RBM17: variants seen among roughly 807,000 people sequenced by gnomAD.
The protein encoded by RBM17 is splicing factor 45.
A neutral mutation model predicts 53.2 loss-of-function variants in RBM17; 7 were observed. That is an observed-to-expected ratio of 0.13 (90% CI 0.07 to 0.25). RBM17 has a LOEUF of 0.25. Ranked by LOEUF, RBM17 falls within the 10% of genes least tolerant of loss-of-function variation. RBM17 has a pLI of 1.00. For synonymous variants in RBM17, 167 were observed against 178.1 expected (o/e 0.94, Z 0.50); for missense variants, 257 against 496.7 (o/e 0.52, Z 4.59).
At chr10:6,103,775 C>T (rs1840704364) in intron 3 of RBM17, among the ~76,000 whole-genome samples, 1 of 152,172 alleles carries the variant, frequency 6.6e-6, no homozygotes, top group African/African-American at 2.4e-5. Context: ...CCATGAAACA[C>T]AGGAACTGTT....
rs192314186 is a variant in RBM17 at position 6,107,752 on chromosome 10, G to A, written c.506-934G>A. On this transcript the variant is annotated intron_variant, in intron 5 of 11. Transcript: ENST00000379888. Reference sequence around the variant, plus strand: ...CTGCCTCAGCCTCTCAAAGTGCTGGGATTACAGGAGTGAACCACTGCGTCC... The same window carrying A: ...CTGCCTCAGCCTCTCAAAGTGCTGGAATTACAGGAGTGAACCACTGCGTCC... Among the ~76,000 whole-genome samples the A allele has an allele frequency of 1.8e-3, 270 of 152,198 alleles. 1 individual carries two copies. Among genetic ancestry groups the A allele is most frequent in the Middle Eastern group, 3.4e-3 (1 of 294 alleles).
Position 6,115,646 on chromosome 10 carries a change from C to G in RBM17, c.*90C>G. 1 of 775,300 alleles carries G rather than the reference C, an allele frequency of 1.3e-6. No individual in the cohort carries two copies. The highest frequency in any genetic ancestry group is 1.5e-5 in the South Asian group (1 of 66,392). The allele number at this position is 775,300 out of a possible 1,614,324, so 48.0% of individuals were successfully genotyped here. A position where few individuals can be genotyped will look rare whatever the true frequency, so the allele number is the denominator to read the frequency against. ...AGGAAAAAGGTCACAGCCTCCATGG[C>G]TGTTGCATACCAAGACTCTTGGAAG... On this transcript the variant is annotated 3_prime_UTR_variant, in exon 12 of 12. Coordinates refer to ENST00000379888, the MANE Select transcript of RBM17 (RefSeq NM_032905.5).
Position 6,115,724 on chromosome 10 carries a change from T to G in RBM17, c.*168T>G, listed in dbSNP as rs544021527. The G allele has an allele frequency of 2.1e-6, 1 of 487,720 alleles. No homozygotes were observed. 30.2% of individuals were successfully genotyped at this position (487,720 alleles called of 1,614,324 possible). A position where few individuals can be genotyped will look rare whatever the true frequency, so the allele number is the denominator to read the frequency against. ...CCTTTTTTATTTTGTGGTTTTTTAA[T>G]ATAGTATAAAAATCCTTTTAAAAAA... is the stretch of plus-strand genomic sequence containing the variant. On this transcript the variant is annotated 3_prime_UTR_variant, in exon 12 of 12. Coordinates refer to ENST00000379888, the MANE Select transcript of RBM17 (RefSeq NM_032905.5).
At chr10:6,093,753 G>A (rs1223624137) in intron 1 of RBM17, among the ~76,000 whole-genome samples, 4 of 152,076 alleles carry the variant, frequency 2.6e-5, no homozygotes, top group East Asian at 3.9e-4. Context: ...TTCAGATTTC[G>A]GATATTTTTA....
rs1840746324 is a variant in RBM17 at position 6,106,189 on chromosome 10, T to C, written c.456T>C (p.Asp152=). The change falls in exon 5 of 12, where the codon GAT becomes GAC. Residue 152 remains aspartate, a synonymous_variant. Coordinates refer to ENST00000379888, the MANE Select transcript of RBM17 (RefSeq NM_032905.5). ...CAAGTGGGTTTGCAAGGAGACCAGA[T>C]CCAGATTCTGATGAAGATGAAGATT... ...HEASGFARRP[D]PDSDEDEDYE... is the part of the protein sequence containing the mutation. The C allele has an allele frequency of 6.2e-7, 1 of 1,613,664 alleles. No homozygotes were observed. Among genetic ancestry groups the C allele is most frequent in the Admixed American group, 1.7e-5 (1 of 59,994 alleles).
At chr10:6,105,157 C>A in intron 4 of RBM17, 60 bp downstream of exon 4, 1 of 1,503,108 alleles carries the variant, frequency 6.7e-7, no homozygotes, top group South Asian at 1.2e-5. Context: ...AAAATGTTAA[C>A]GAATGAGCGT....
chr10:6,115,454 G>A lies in RBM17; in HGVS notation c.1104G>A (p.Ala368=). ...EFERVESAIK[A]VVDLNGRYFG... ...AACTGTCTTTTGTTTGCCTTTCAGC[G>A]GTTGTTGACTTGAATGGGAGGTATT... Residue 368 remains alanine, a splice_region_variant and synonymous_variant, in exon 12 of 12, where the codon GCG becomes GCA. Coordinates refer to ENST00000379888, the MANE Select transcript of RBM17 (RefSeq NM_032905.5). 2 of 1,610,252 alleles carry A rather than the reference G, an allele frequency of 1.2e-6. No homozygotes were observed. The highest frequency in any genetic ancestry group is 1.7e-6 in the Non-Finnish European group (2 of 1,176,528).
chr10:6,103,308 A>T (rs1027251521), intron 3 of RBM17, among the ~76,000 whole-genome samples: 5 of 152,162 alleles, frequency 3.3e-5, no homozygotes, highest in Admixed American at 1.3e-4. Context: ...TAATTTTTTT[A>T]AATTGAACAA....
rs765202192 is a variant in RBM17, at chr10:6,105,132, G to GTTGAAATGTTCA, written c.407+38_407+49dup. 9 of 1,594,002 alleles carry GTTGAAATGTTCA rather than the reference G, an allele frequency of 5.6e-6. No individual in the cohort carries two copies. The African/African-American group carries it at 1.2e-4, about 22-fold the overall frequency. ...CCTTTGGATTTGGGGATATTTTACA[G>GTTGAAATGTTCA]TTGAAATGTTCATTAAAATGTTAAC... On this transcript the variant is annotated intron_variant, in intron 4 of 11. Transcript: ENST00000379888.
At chr10:6,097,820 G>A (rs1220289247) in intron 2 of RBM17, among the ~76,000 whole-genome samples, 2 of 152,236 alleles carry the variant, frequency 1.3e-5, no homozygotes, top group East Asian at 1.9e-4. Context: ...CTGGTAAACT[G>A]TAGTTCAGGC....
At position 6,098,563 on chromosome 10, in the gene RBM17, G is replaced by GTGTTTTT. The variant is rs1554834988; in HGVS notation, c.123+1376_123+1377insGTTTTTT. On this transcript the variant is annotated intron_variant, in intron 2 of 11. Coordinates refer to ENST00000379888, the MANE Select transcript of RBM17 (RefSeq NM_032905.5). ...AATTTCCGTAATACACAGGTTTTTT[G>GTGTTTTT]TTTTTTTTTTTTTTTTTTTTTTTTT... is the stretch of plus-strand genomic sequence containing the variant. 1.1e-3 allele frequency among the ~76,000 whole-genome samples: 49 copies of GTGTTTTT among 46,662 alleles called. 3 individuals carry two copies. Among genetic ancestry groups the GTGTTTTT allele is most frequent in the East Asian group, 5.6e-3 (13 of 2,318 alleles). The allele number at this position is 46,662 out of a possible 152,430, so 30.6% of individuals were successfully genotyped here. A position where few individuals can be genotyped will look rare whatever the true frequency, so the allele number is the denominator to read the frequency against.
rs751982023 is a variant in RBM17 at position 6,100,427 on chromosome 10, G to C, written c.124-844G>C. ...TGCCTAAAAGCTTTACCCTGAATTC[G>C]ATCAGGCCTTTAACCTCCAGGTTTC... On this transcript the variant is annotated intron_variant, in intron 2 of 11. Transcript: ENST00000379888. 2.0e-5 allele frequency among the ~76,000 whole-genome samples: 3 copies of C among 152,136 alleles called. No individual in the cohort carries two copies. In the South Asian group the frequency reaches 6.2e-4, roughly 32 times the overall value.
At chr10:6,115,208 C>T (rs372510768) in intron 10 of RBM17, 31 bp from the exon 11 acceptor site, 78 of 1,576,612 alleles carry the variant, frequency 4.9e-5, no homozygotes, top group Non-Finnish European at 6.5e-5. Flanking sequence ...TCTCAAATGC[C>T]TTTACTCATC....
At chr10:6,104,772 G>A (rs780347556) in intron 3 of RBM17, among the ~76,000 whole-genome samples, 159 bp from the exon 4 acceptor site, 5 of 152,222 alleles carry the variant, frequency 3.3e-5, no homozygotes, top group Non-Finnish European at 7.3e-5. Flanking sequence ...GACTAGGCAC[G>A]TGGCCTTGTC....
intron 2 of RBM17, among the ~76,000 whole-genome samples, chr10:6,099,497 G>A (rs917428795): frequency 6.6e-6 from 1 of 152,034 alleles, no homozygotes; most frequent in Middle Eastern, 3.2e-3. Context: ...AAATCCAAGC[G>A]TGCCCAAGTC....
intron 8 of RBM17, 65 bp from the exon 9 acceptor site, chr10:6,113,443 C>T: frequency 9.2e-7 from 1 of 1,090,566 alleles, no homozygotes; most frequent in South Asian, 1.3e-5. Flanking sequence ...GGACTCAGTT[C>T]TGTAACACAT....
At chr10:6,097,613 G>A (rs944475968) in intron 2 of RBM17, among the ~76,000 whole-genome samples, 3 of 152,238 alleles carry the variant, frequency 2.0e-5, no homozygotes, top group Non-Finnish European at 2.9e-5. Flanking sequence ...AGAGCTTGCA[G>A]TGAGCCGAGA....
chr10:6,096,173 A>G (rs1840569691), intron 1 of RBM17, among the ~76,000 whole-genome samples: 1 of 151,968 alleles, frequency 6.6e-6, no homozygotes, highest in Non-Finnish European at 1.5e-5. Flanking sequence ...TGGGTTTCAG[A>G]ATGTTGATTT....
intron 3 of RBM17, 45 bp from the exon 4 acceptor site, chr10:6,104,886 G>T: frequency 6.4e-7 from 1 of 1,555,556 alleles, no homozygotes; most frequent in Non-Finnish European, 8.8e-7. Flanking sequence ...GAGTAAACTG[G>T]TAAGATATAA....
Sources: allele counts gnomAD v4.1 joint callset (sites outside exome capture counted in the v4.1 genomes callset), GRCh38; gene constraint gnomAD v4.1.1; transcripts MANE v1.5; gene names NCBI Gene and HGNC (gene_info 2026-07-23, HGNC 2026-07-21).